Variants in RAB7A observed in about 807,000 individuals in gnomAD.
RAB7A encodes the protein ras-related protein Rab-7a.
A neutral mutation model predicts 24.5 loss-of-function variants in RAB7A; 2 were observed. That is an observed-to-expected ratio of 0.08 (90% CI 0.03 to 0.26). The LOEUF is 0.26. Among genes scored for constraint, RAB7A ranks in the 10% least tolerant of loss-of-function variants. The pLI is 1.00. For missense variants in RAB7A, 118 were observed against 255.7 expected (o/e 0.46, Z 3.67); for synonymous variants, 100 against 95.9 (o/e 1.04, Z -0.25).
intron 1 of RAB7A, among the ~76,000 whole-genome samples, chr3:128,767,410 T>C (rs1193276516): frequency 6.6e-6 from 1 of 152,178 alleles, no homozygotes; most frequent in African/African-American, 2.4e-5. Context: ...GAGCTTTGGC[T>C]TTCAGTAGCT....
intron 1 of RAB7A, among the ~76,000 whole-genome samples, chr3:128,766,603 A>T (rs1180906558): frequency 6.6e-6 from 1 of 152,232 alleles, no homozygotes; most frequent in African/African-American, 2.4e-5. Flanking sequence ...AGCAGATCCC[A>T]TAGGAATGGT....
chr3:128,737,139 G>A (rs1420926487), intron 1 of RAB7A, among the ~76,000 whole-genome samples: 6 of 150,734 alleles, frequency 4.0e-5, no homozygotes, highest in African/African-American at 1.5e-4. Flanking sequence ...CCGGGTTCAC[G>A]CCCTTCTCCT....
intron 1 of RAB7A, among the ~76,000 whole-genome samples, chr3:128,772,028 TAA>T (rs1932951139): frequency 6.6e-6 from 1 of 152,252 alleles, no homozygotes; most frequent in Admixed American, 6.5e-5. Context: ...TAACTCATTT[TAA>T]ATATAAAATG....
intron 1 of RAB7A, among the ~76,000 whole-genome samples, chr3:128,775,717 C>A (rs1309992863): frequency 6.6e-6 from 1 of 152,098 alleles, no homozygotes; most frequent in Non-Finnish European, 1.5e-5. Context: ...AATCTAGCCC[C>A]ATGAAATGCC....
chr3:128,760,010 T>G (rs1240709036), intron 1 of RAB7A, among the ~76,000 whole-genome samples: 1 of 152,104 alleles, frequency 6.6e-6, no homozygotes, highest in Non-Finnish European at 1.5e-5. Context: ...ATGCCCAGCC[T>G]CGATGATGAC....
At chr3:128,750,263 TTC>T (rs2107590866) in intron 1 of RAB7A, among the ~76,000 whole-genome samples, 1 of 152,220 alleles carries the variant, frequency 6.6e-6, no homozygotes, top group South Asian at 2.1e-4. Flanking sequence ...AGGAAGAAAT[TTC>T]TTTTTCTTTT....
Position 128,813,427 on chromosome 3 carries a change from G to C in RAB7A, c.*5G>C, listed in dbSNP as rs771183870. 8 of 1,613,410 alleles carry C rather than the reference G, an allele frequency of 5.0e-6. No individual in the cohort carries two copies. In the Admixed American group the frequency reaches 1.3e-4, roughly 27 times the overall value. On this transcript the variant is annotated 3_prime_UTR_variant, in exon 6 of 6. Transcript: ENST00000265062. ...GCAGAAAGCTGCAGTTGCTGAGGGG[G>C]CAGTGAGAGTTGAGCACAGAGTCCT...
intron 1 of RAB7A, among the ~76,000 whole-genome samples, chr3:128,756,976 T>C (rs1368184528): frequency 1.3e-5 from 2 of 152,004 alleles, no homozygotes; most frequent in African/African-American, 2.4e-5. Flanking sequence ...CCCAAGTAGC[T>C]GGGACTACAG....
At chr3:128,758,777 G>A (rs1325529350) in intron 1 of RAB7A, among the ~76,000 whole-genome samples, 1 of 152,076 alleles carries the variant, frequency 6.6e-6, no homozygotes, top group Non-Finnish European at 1.5e-5. Flanking sequence ...GAACTCTTGA[G>A]GGTTCCTTGA....
chr3:128,805,876 T>A (rs1933792288), intron 3 of RAB7A, among the ~76,000 whole-genome samples: 1 of 152,136 alleles, frequency 6.6e-6, no homozygotes, highest in African/African-American at 2.4e-5. Flanking sequence ...GGTCTCAAAC[T>A]CCTGACCTCC....
intron 1 of RAB7A, among the ~76,000 whole-genome samples, chr3:128,778,279 C>T (rs1933140318): frequency 6.6e-6 from 1 of 152,144 alleles, no homozygotes; most frequent in Non-Finnish European, 1.5e-5. Context: ...TTGGACAGTT[C>T]AGGTTTAAAC....
chr3:128,728,937 T>G (rs2070407249), intron 1 of RAB7A, among the ~76,000 whole-genome samples: 1 of 152,220 alleles, frequency 6.6e-6, no homozygotes, highest in African/African-American at 2.4e-5. Context: ...TTCAGTACCA[T>G]TCTACATAGA....
intron 3 of RAB7A, 30 bp from the exon 4 acceptor site, chr3:128,806,342 C>T: frequency 6.3e-7 from 1 of 1,584,982 alleles, no homozygotes; most frequent in Non-Finnish European, 8.7e-7. Flanking sequence ...CTAGCATTCT[C>T]CCAAGGAATG....
At chr3:128,743,429 G>A (rs1161770159) in intron 1 of RAB7A, among the ~76,000 whole-genome samples, 9 of 152,258 alleles carry the variant, frequency 5.9e-5, no homozygotes, top group East Asian at 1.9e-4. Context: ...CGCCGAGGCC[G>A]AGGAGGTGCT....
chr3:128,764,162 C>T (rs1338489392), intron 1 of RAB7A, among the ~76,000 whole-genome samples: 1 of 152,128 alleles, frequency 6.6e-6, no homozygotes, highest in Non-Finnish European at 1.5e-5. Context: ...AAATGAGCTC[C>T]CTGTGACTCC....
intron 3 of RAB7A, among the ~76,000 whole-genome samples, chr3:128,799,644 A>G (rs966646822): frequency 1.3e-5 from 2 of 152,194 alleles, no homozygotes; most frequent in African/African-American, 4.8e-5. Flanking sequence ...TCACCTACAC[A>G]CATACACCTA....
intron 1 of RAB7A, among the ~76,000 whole-genome samples, chr3:128,758,527 G>A (rs1204005450): frequency 6.6e-6 from 1 of 151,388 alleles, no homozygotes; most frequent in Non-Finnish European, 1.5e-5. Context: ...CGCCCGCCTC[G>A]GCCTCCCAAA....
At chr3:128,800,276 G>A (rs1445222034) in intron 3 of RAB7A, among the ~76,000 whole-genome samples, 1 of 152,200 alleles carries the variant, frequency 6.6e-6, no homozygotes, top group Non-Finnish European at 1.5e-5. Context: ...AGGGAGCTGG[G>A]GTAAAGGCCC....
At chr3:128,777,401 T>C (rs984550452) in intron 1 of RAB7A, among the ~76,000 whole-genome samples, 1 of 152,108 alleles carries the variant, frequency 6.6e-6, no homozygotes, top group Non-Finnish European at 1.5e-5. Flanking sequence ...GGGGTCTCCC[T>C]ATGTGGCCCA....
Sources: allele counts gnomAD v4.1 joint callset (sites outside exome capture counted in the v4.1 genomes callset), GRCh38; gene constraint gnomAD v4.1.1; transcripts MANE v1.5; gene names NCBI Gene and HGNC (gene_info 2026-07-23, HGNC 2026-07-21).